Variants in EFCAB11 observed in about 807,000 individuals in gnomAD.
The protein encoded by EFCAB11 is EF-hand calcium-binding domain-containing protein 11.
In EFCAB11, 14 loss-of-function variants were observed where a neutral mutation model predicts 23.0. The observed-to-expected ratio is 0.61, with a 90% confidence interval of 0.40 to 0.95. The LOEUF (loss-of-function observed/expected upper bound fraction) is 0.95. Ranked by LOEUF, EFCAB11 falls within the 40% of genes least tolerant of loss-of-function variation. The pLI is 0.00. For missense variants in EFCAB11, 198 were observed against 195.8 expected (o/e 1.01, Z -0.07); for synonymous variants, 65 against 66.6 (o/e 0.98, Z 0.11).
At chr14:89,900,886 C>A (rs1312365078) in intron 5 of EFCAB11, among the ~76,000 whole-genome samples, 1 of 152,040 alleles carries the variant, frequency 6.6e-6, no homozygotes, top group Non-Finnish European at 1.5e-5. Context: ...AATAACTGCT[C>A]TTGGTAATGC....
At chr14:89,837,414 T>C (rs961131227) in intron 5 of EFCAB11, among the ~76,000 whole-genome samples, 1 of 152,088 alleles carries the variant, frequency 6.6e-6, no homozygotes, top group African/African-American at 2.4e-5. Context: ...CAGATACAGC[T>C]TCTACCAGGC....
intron 5 of EFCAB11, among the ~76,000 whole-genome samples, chr14:89,891,095 G>A (rs1399774093): frequency 1.3e-5 from 2 of 152,158 alleles, no homozygotes; most frequent in Non-Finnish European, 2.9e-5. Context: ...TTTTAATATA[G>A]TCCTGTACTG....
intron 3 of EFCAB11, among the ~76,000 whole-genome samples, chr14:89,933,517 C>T (rs1050385022): frequency 1.4e-4 from 22 of 152,112 alleles, no homozygotes; most frequent in African/African-American, 5.1e-4. Context: ...AAAATAGTTC[C>T]AATCATTTAA....
At chr14:89,864,211 T>C (rs1161483122) in intron 5 of EFCAB11, among the ~76,000 whole-genome samples, 1 of 152,018 alleles carries the variant, frequency 6.6e-6, no homozygotes, top group Non-Finnish European at 1.5e-5. Context: ...AACACAGGAG[T>C]ATGTCAGAGG....
intron 5 of EFCAB11, among the ~76,000 whole-genome samples, chr14:89,871,947 C>T (rs1382438484): frequency 6.6e-6 from 1 of 152,178 alleles, no homozygotes; most frequent in Non-Finnish European, 1.5e-5. Flanking sequence ...CTCCAGATCC[C>T]ACTGCAGCCC....
At chr14:89,815,156 T>C (rs1019738253) in intron 5 of EFCAB11, among the ~76,000 whole-genome samples, 2 of 152,130 alleles carry the variant, frequency 1.3e-5, no homozygotes, top group African/African-American at 4.8e-5. Context: ...GCGGCAATTA[T>C]GACATCACAA....
chr14:89,817,878 C>T (rs934438621), intron 5 of EFCAB11, among the ~76,000 whole-genome samples: 17 of 152,006 alleles, frequency 1.1e-4, no homozygotes, highest in African/African-American at 3.9e-4. Context: ...CCTGGAGTCC[C>T]AGCTACTCAG....
At chr14:89,936,592 T>C (rs1890591489) in intron 3 of EFCAB11, among the ~76,000 whole-genome samples, 1 of 152,208 alleles carries the variant, frequency 6.6e-6, no homozygotes, top group Non-Finnish European at 1.5e-5. Context: ...AAGCATATAT[T>C]GTGTGAACAT....
At chr14:89,954,036 A>T in intron 1 of EFCAB11, 35 bp from the exon 2 acceptor site, 1 of 1,560,236 alleles carries the variant, frequency 6.4e-7, no homozygotes, top group East Asian at 2.2e-5. Flanking sequence ...TTAATGAGAC[A>T]GAAATGGTTT....
rs76125640 is a variant in EFCAB11 at position 89,809,188 on chromosome 14, T to C, written c.411-11864A>G. 4.6e-5 allele frequency among the ~76,000 whole-genome samples: 7 copies of C among 152,326 alleles called. No homozygotes were observed. In the East Asian group the frequency reaches 1.3e-3, roughly 29 times the overall value. ...CAGGTGACCGTTGTGCTGAAACTGG[T>C]GTGCCATTTGCCTTAGTGAGTTGGG... On this transcript the variant is annotated intron_variant, in intron 5 of 5. Transcript: ENST00000316738.
intron 5 of EFCAB11, among the ~76,000 whole-genome samples, chr14:89,926,426 G>GGGGAGCTACTACAAAATAGA (rs1890196401): frequency 6.6e-6 from 1 of 152,026 alleles, no homozygotes; most frequent in East Asian, 1.9e-4. Flanking sequence ...CTGAAAGTAG[G>GGGGAGCTACTACAAAATAGA]TAGGGGAGCT....
intron 5 of EFCAB11, among the ~76,000 whole-genome samples, chr14:89,853,553 T>C (rs1307070756): frequency 6.6e-6 from 1 of 152,046 alleles, no homozygotes; most frequent in East Asian, 1.9e-4. Context: ...CACTAGGAAG[T>C]GGTGAGGCTG....
In EFCAB11 at chr14:89,891,033, C is replaced by A. The variant is rs374354417; in HGVS notation, c.410+40508G>T. On this transcript the variant is annotated intron_variant, in intron 5 of 5. Transcript: ENST00000316738. ...CCTCACTGGGAGAGTCCCTGGGATC[C>A]TAGGTCTAAACATACCTTGAGTGAA... 9.2e-5 allele frequency among the ~76,000 whole-genome samples: 14 copies of A among 152,308 alleles called. No homozygotes were observed. The East Asian group carries it at 1.2e-3, about 13-fold the overall frequency.
intron 3 of EFCAB11, among the ~76,000 whole-genome samples, chr14:89,937,587 G>A (rs764400860): frequency 4.6e-5 from 7 of 151,998 alleles, no homozygotes; most frequent in Admixed American, 2.0e-4. Flanking sequence ...GTGCTACAGC[G>A]CGATCTTGGC....
chr14:89,846,107 A>T (rs182290836), intron 5 of EFCAB11, among the ~76,000 whole-genome samples: 1 of 152,246 alleles, frequency 6.6e-6, no homozygotes, highest in Non-Finnish European at 1.5e-5. Flanking sequence ...TTGCGGAGTT[A>T]TAAGTGTATA....
intron 5 of EFCAB11, among the ~76,000 whole-genome samples, chr14:89,807,921 A>T (rs961712519): frequency 6.6e-6 from 1 of 152,246 alleles, no homozygotes; most frequent in African/African-American, 2.4e-5. Context: ...GGAATCAATA[A>T]GAATAATGTC....
Position 89,934,971 on chromosome 14 carries a change from G to T in EFCAB11, c.218-2344C>A, listed in dbSNP as rs578168258. ...TTCCTGGTGCTTCCCCAAGCCAAGAGGCCCTTTCGCACTCCACACCTTTGC... is the reference window on the plus strand; with the variant it reads ...TTCCTGGTGCTTCCCCAAGCCAAGATGCCCTTTCGCACTCCACACCTTTGC... On this transcript the variant is annotated intron_variant, in intron 3 of 5. Coordinates refer to ENST00000316738, the MANE Select transcript of EFCAB11 (RefSeq NM_145231.4). Among the ~76,000 whole-genome samples the T allele has an allele frequency of 6.6e-5, 10 of 152,234 alleles. No homozygotes were observed. In the South Asian group the frequency reaches 2.1e-3, roughly 32 times the overall value.
At chr14:89,808,787 C>T (rs532735175) in intron 5 of EFCAB11, among the ~76,000 whole-genome samples, 6 of 152,084 alleles carry the variant, frequency 3.9e-5, no homozygotes, top group African/African-American at 1.2e-4. Context: ...ATGGAATGAC[C>T]AAAAGGGCTT....
intron 3 of EFCAB11, chr14:89,938,146 C>G (rs1225263149): frequency 6.6e-6 from 1 of 152,072 alleles, no homozygotes; most frequent in Non-Finnish European, 1.5e-5. Flanking sequence ...ACAGTGAGCT[C>G]AACTTAGAAA....
Sources: gnomAD v4.1 joint callset for allele counts (sites outside exome capture counted in the v4.1 genomes callset) on GRCh38, gnomAD v4.1.1 for gene constraint, MANE v1.5 for transcripts, NCBI Gene and HGNC (gene_info 2026-07-23, HGNC 2026-07-21) for gene names.